PHLPP1: variants seen among roughly 807,000 people sequenced by gnomAD.
PHLPP1 encodes PH domain and leucine rich repeat protein phosphatase 1.
A neutral mutation model predicts 117.2 loss-of-function variants in PHLPP1; 42 were observed. That is an observed-to-expected ratio of 0.36 (90% CI 0.28 to 0.46). The LOEUF is 0.46. PHLPP1 is among the 20% of genes least tolerant of loss of function. The pLI is 1.00. For missense variants in PHLPP1, 2,084 were observed against 2,241.9 expected (o/e 0.93, Z 1.42); for synonymous variants, 1,042 against 970.7 (o/e 1.07, Z -1.37).
chr18:62,725,194 A>G (rs1227301404), intron 1 of PHLPP1, among the ~76,000 whole-genome samples: 1 of 151,980 alleles, frequency 6.6e-6, no homozygotes, highest in African/African-American at 2.4e-5. Context: ...CCCTGTCTCT[A>G]CTAAAAATAC....
At chr18:62,764,018 C>G (rs1912359176) in intron 1 of PHLPP1, among the ~76,000 whole-genome samples, 2 of 151,906 alleles carry the variant, frequency 1.3e-5, no homozygotes, top group South Asian at 4.1e-4. Context: ...CAAAAATTAG[C>G]CGGGCGTGGT....
At chr18:62,735,044 T>A (rs1287392509) in intron 1 of PHLPP1, among the ~76,000 whole-genome samples, 7 of 151,882 alleles carry the variant, frequency 4.6e-5, no homozygotes, top group African/African-American at 1.7e-4. Flanking sequence ...GTCATTCTTT[T>A]TTTTTTTTTC....
Position 62,978,319 on chromosome 18 carries a change from C to T in PHLPP1, c.4042C>T (p.His1348Tyr), listed in dbSNP as rs939728471. 2.5e-6 allele frequency: 4 copies of T among 1,613,090 alleles called. No homozygotes were observed. In the African/African-American group the frequency reaches 5.3e-5, roughly 22 times the overall value. ...GCGCATCCTGGGCTACACCTTCCTC[C>T]ATCCCAGTGTGGTGCCTCGCCCCCA... ...STRILGYTFLHPSVVPRPHVQ... is the reference protein window; with the variant it reads ...STRILGYTFLYPSVVPRPHVQ... Residue 1348 changes from histidine (H) to tyrosine (Y), a missense_variant, in exon 17 of 17, where the codon CAT becomes TAT. Physicochemically the swap from His to Tyr is moderately conservative, Grantham distance 83. Transcript: ENST00000262719. This position sits in a 1 kb window ranked among gnomAD's most constrained non-coding sequence, Gnocchi z 7.0.
rs1411407252 is a variant in PHLPP1, at chr18:62,716,781, C to T, written c.1098C>T (p.Tyr366=). Residue 366 remains tyrosine (Y), a synonymous_variant, in exon 1 of 17, where the codon TAC becomes TAT. Coordinates refer to ENST00000262719, the MANE Select transcript of PHLPP1 (RefSeq NM_194449.4). This position sits in a 1 kb window ranked among gnomAD's most constrained non-coding sequence, Gnocchi z 5.7. ...AESVSDRLDP[Y]SSGGGSSSSS... is the part of the protein sequence containing the mutation. The stretch of plus-strand genomic sequence containing the variant: ...GCGTGTCTGACCGGTTGGACCCCTA[C>T]AGCAGCGGCGGCGGCTCCTCGTCGT... 4 of 1,527,156 alleles carry T rather than the reference C, an allele frequency of 2.6e-6. No individual in the cohort carries two copies. The highest frequency in any genetic ancestry group is 3.5e-6 in the Non-Finnish European group (4 of 1,142,472). The allele number at this position is 1,527,156 out of a possible 1,614,324, so 94.6% of individuals were successfully genotyped here.
chr18:62,767,243 A>G (rs1412970223), intron 1 of PHLPP1, among the ~76,000 whole-genome samples: 1 of 152,210 alleles, frequency 6.6e-6, no homozygotes, highest in African/African-American at 2.4e-5. Flanking sequence ...AAAATACATA[A>G]TTTCAAAGGA....
chr18:62,863,156 T>C (rs1915673693), intron 4 of PHLPP1, among the ~76,000 whole-genome samples: 2 of 151,982 alleles, frequency 1.3e-5, no homozygotes, highest in South Asian at 2.1e-4. Flanking sequence ...GTTGGCTACT[T>C]TTATGGTTCT....
At chr18:62,721,003 A>G (rs1910898473) in intron 1 of PHLPP1, among the ~76,000 whole-genome samples, 1 of 152,114 alleles carries the variant, frequency 6.6e-6, no homozygotes, top group African/African-American at 2.4e-5. Context: ...GAGCTTGGGT[A>G]TTTTATTTTG....
rs1342652959 is a variant in PHLPP1 at position 62,920,112 on chromosome 18, C to T, written c.2958C>T (p.Asp986=). The part of the protein sequence containing the change: ...ELPPNLLMKA[D]SLRFLNASAN... ...CACCTAACCTTCTGATGAAGGCTGACAGGTAAAGCCATTTGTCTTGTTTAT... is the reference window on the plus strand; with the variant it reads ...CACCTAACCTTCTGATGAAGGCTGATAGGTAAAGCCATTTGTCTTGTTTAT... Residue 986 remains aspartate, a splice_region_variant and synonymous_variant, in exon 10 of 17, where the codon GAC becomes GAT. Transcript: ENST00000262719. 6.2e-7 allele frequency: 1 copy of T among 1,612,792 alleles called. No homozygotes were observed. Among genetic ancestry groups the T allele is most frequent in the Non-Finnish European group, 8.5e-7 (1 of 1,179,158 alleles).
At chr18:62,906,100 T>A (rs538582821) in intron 8 of PHLPP1, among the ~76,000 whole-genome samples, 2 of 152,376 alleles carry the variant, frequency 1.3e-5, no homozygotes, top group South Asian at 2.1e-4. Flanking sequence ...TTTCAGGGCT[T>A]AAATTCTGGT....
Position 62,941,718 on chromosome 18 carries a change from C to T in PHLPP1, c.2961C>T (p.Ser987=). 6 of 1,609,650 alleles carry T rather than the reference C, an allele frequency of 3.7e-6. No homozygotes were observed. In the South Asian group the frequency reaches 4.4e-5, roughly 12 times the overall value. ...ATTTTGTTGCGTTTTGTCATTGTAG[C>T]CTGAGATTCCTGAACGCCTCTGCGA... The part of the protein sequence containing the change: ...LPPNLLMKAD[S]LRFLNASANK... Residue 987 remains serine, a splice_region_variant and synonymous_variant, in exon 11 of 17, where the codon AGC becomes AGT. Transcript: ENST00000262719.
chr18:62,819,273 G>A (rs984288006), intron 1 of PHLPP1, among the ~76,000 whole-genome samples: 1 of 152,200 alleles, frequency 6.6e-6, no homozygotes, highest in African/African-American at 2.4e-5. Flanking sequence ...GTATATTGTT[G>A]TAGTGTACTA....
chr18:62,880,596 TG>T (rs750141052), intron 4 of PHLPP1, among the ~76,000 whole-genome samples: 2 of 152,048 alleles, frequency 1.3e-5, no homozygotes, highest in Admixed American at 6.5e-5. Context: ...TGGCAATTAA[TG>T]GGCTAACTAT....
chr18:62,779,002 G>T (rs1474351973), intron 1 of PHLPP1, among the ~76,000 whole-genome samples: 1 of 152,198 alleles, frequency 6.6e-6, no homozygotes, highest in Non-Finnish European at 1.5e-5. Flanking sequence ...TTGAAAATTT[G>T]TAATGATTTT....
At chr18:62,789,560 G>A (rs71352596) in intron 1 of PHLPP1, among the ~76,000 whole-genome samples, 3 of 152,072 alleles carry the variant, frequency 2.0e-5, no homozygotes, top group Non-Finnish European at 2.9e-5. Flanking sequence ...AGGTGCAGTA[G>A]GGGGTGGGGA....
intron 2 of PHLPP1, among the ~76,000 whole-genome samples, chr18:62,831,600 G>A (rs1914758374): frequency 6.6e-6 from 1 of 152,192 alleles, no homozygotes; most frequent in African/African-American, 2.4e-5. Context: ...GCCTCCCAGA[G>A]TGCTGAGATT....
At chr18:62,897,448 A>G (rs1224621037) in intron 6 of PHLPP1, among the ~76,000 whole-genome samples, 2 of 152,180 alleles carry the variant, frequency 1.3e-5, no homozygotes, top group Non-Finnish European at 2.9e-5. Flanking sequence ...AGGAGGGGAA[A>G]ATCAGATAGG....
rs1910745080 is a variant in PHLPP1 at position 62,716,572 on chromosome 18, G to T, written c.889G>T (p.Ala297Ser). 2.5e-6 allele frequency: 3 copies of T among 1,203,436 alleles called. No homozygotes were observed. The highest frequency in any genetic ancestry group is 3.1e-6 in the Non-Finnish European group (3 of 970,220). 74.5% of individuals were successfully genotyped at this position (1,203,436 alleles called of 1,614,324 possible). A position where few individuals can be genotyped will look rare whatever the true frequency, so the allele number is the denominator to read the frequency against. Residue 297 changes from alanine to serine, a missense_variant, in exon 1 of 17, where the codon GCG becomes TCG. Around this residue, in one of 2 missense-constraint regions of PHLPP1, gnomAD observed 719 missense variants for 636.0 expected, o/e 1.13. Coordinates refer to ENST00000262719, the MANE Select transcript of PHLPP1 (RefSeq NM_194449.4). The surrounding 1 kb of genome is among the most constrained non-coding windows in gnomAD (Gnocchi z 5.7). ...GGGTGCCTTCGGGGGGCCTCCGCGC[G>T]CGCCCCCCGCCGACCTACCCCTGCC... The part of the protein sequence containing the change: ...APGAFGGPPR[A>S]PPADLPLPVG...
chr18:62,842,683 A>G (rs1303701166), intron 3 of PHLPP1, among the ~76,000 whole-genome samples: 1 of 152,174 alleles, frequency 6.6e-6, no homozygotes, highest in African/African-American at 2.4e-5. Flanking sequence ...CAGATTTTCA[A>G]TACACTACTT....
chr18:62,830,053 G>A lies in PHLPP1; in HGVS notation c.1595G>A (p.Gly532Asp), dbSNP rs1275804628. ...ATTTCAGGAAAACCTCACAGCACGG[G>A]TAGCTCTGAACGGATTCAGCTCTCA... ...RFYAGKPHST[G>D]SSERIQLSGM... is the part of the protein sequence containing the mutation. The change falls in exon 2 of 17, where the codon GGT becomes GAT. Residue 532 changes from glycine to aspartate, a missense_variant. This residue lies in a region of PHLPP1 where 1,365 missense variants were observed against 1,605.9 expected (regional missense o/e 0.85). Transcript: ENST00000262719. 1 of 1,610,414 alleles carries A rather than the reference G, an allele frequency of 6.2e-7. No individual in the cohort carries two copies. Among genetic ancestry groups the A allele is most frequent in the Admixed American group, 1.7e-5 (1 of 59,694 alleles).
Sources: allele counts gnomAD v4.1 joint callset (sites outside exome capture counted in the v4.1 genomes callset), GRCh38; gene constraint gnomAD v4.1.1; regional missense constraint gnomAD v4.1.1; non-coding constraint Gnocchi (gnomAD v3.1); transcripts MANE v1.5; gene names NCBI Gene and HGNC (gene_info 2026-07-23, HGNC 2026-07-21).